USP15: variants seen among roughly 807,000 people sequenced by gnomAD.
USP15 encodes the protein ubiquitin specific peptidase 15.
USP15 carries 18 observed loss-of-function variants against 127.1 expected under a neutral mutation model. The ratio of observed to expected loss-of-function variants is 0.14; its 90% CI spans 0.10 to 0.21. USP15 has a LOEUF of 0.21. USP15 is among the 10% of genes least tolerant of loss of function. The pLI is 1.00. For missense variants in USP15, 805 were observed against 1,159.9 expected, an observed-to-expected ratio of 0.69 and a Z score of 4.44; for synonymous variants, 364 against 393.7, an observed-to-expected ratio of 0.92 and a Z score of 0.89.
chr12:62,383,076 G>A (rs2067037807), intron 9 of USP15, among the ~76,000 whole-genome samples: 1 of 151,778 alleles, frequency 6.6e-6, no homozygotes, highest in Admixed American at 6.6e-5. Context: ...GATAAGCTTT[G>A]TTGAGTGCTT....
chr12:62,371,848 T>G (rs893007831), intron 8 of USP15, among the ~76,000 whole-genome samples: 11 of 152,114 alleles, frequency 7.2e-5, no homozygotes, highest in Non-Finnish European at 1.3e-4. Flanking sequence ...TAAAAATAGC[T>G]CGAGCGGAAA....
chr12:62,271,500 C>A (rs928959175), intron 1 of USP15, among the ~76,000 whole-genome samples: 2 of 151,810 alleles, frequency 1.3e-5, no homozygotes, highest in South Asian at 2.1e-4. Context: ...TTTTAAAAAG[C>A]GAAGTTGATT....
At chr12:62,273,858 CAAT>C (rs1321161029) in intron 1 of USP15, among the ~76,000 whole-genome samples, 2 of 151,972 alleles carry the variant, frequency 1.3e-5, no homozygotes, top group African/African-American at 4.8e-5. Context: ...CTCATTTTCT[CAAT>C]AAGTAAAGTG....
intron 8 of USP15, among the ~76,000 whole-genome samples, chr12:62,363,600 C>T (rs910823930): frequency 1.3e-5 from 2 of 152,038 alleles, no homozygotes; most frequent in Non-Finnish European, 2.9e-5. Context: ...TACTCATAAC[C>T]ATCTGGCATG....
chr12:62,314,339 G>T (rs924794260), intron 3 of USP15, among the ~76,000 whole-genome samples: 75 of 151,756 alleles, frequency 4.9e-4, no homozygotes, highest in Admixed American at 1.1e-3. Flanking sequence ...AAGGTTTTCT[G>T]CTTGGGATCA....
At chr12:62,392,702 T>C (rs1203315535) in intron 18 of USP15, among the ~76,000 whole-genome samples, 2 of 152,148 alleles carry the variant, frequency 1.3e-5, no homozygotes, top group Non-Finnish European at 2.9e-5. Context: ...AATGTAGTGA[T>C]ATATTTTGTG....
chr12:62,363,697 G>T (rs1565887974), intron 8 of USP15, among the ~76,000 whole-genome samples: 1 of 151,460 alleles, frequency 6.6e-6, no homozygotes, highest in Non-Finnish European at 1.5e-5. Flanking sequence ...CCCACCCCGT[G>T]CTCTCTCTCT....
chr12:62,315,482 G>T (rs1445370382), intron 4 of USP15, among the ~76,000 whole-genome samples: 1 of 151,822 alleles, frequency 6.6e-6, no homozygotes, highest in African/African-American at 2.4e-5. Flanking sequence ...GTAAAGAATA[G>T]ATTGAATAAA....
intron 3 of USP15, among the ~76,000 whole-genome samples, chr12:62,307,868 A>G (rs563812849): frequency 6.6e-6 from 1 of 152,278 alleles, no homozygotes; most frequent in African/African-American, 2.4e-5. Context: ...TCAGGTAGAC[A>G]TTTAATCATC....
chr12:62,265,486 A>G (rs1319667733), intron 1 of USP15, among the ~76,000 whole-genome samples: 1 of 152,198 alleles, frequency 6.6e-6, no homozygotes, highest in Non-Finnish European at 1.5e-5. Flanking sequence ...TTTGAACCCA[A>G]GTAGTTTAGG....
chr12:62,304,218 A>G (rs2064409368), intron 3 of USP15, among the ~76,000 whole-genome samples: 1 of 152,164 alleles, frequency 6.6e-6, no homozygotes, highest in South Asian at 2.1e-4. Flanking sequence ...ACCTGTGTCT[A>G]ATAACAAAGT....
chr12:62,281,239 C>G (rs2063638277), intron 1 of USP15, among the ~76,000 whole-genome samples: 1 of 152,174 alleles, frequency 6.6e-6, no homozygotes, highest in Non-Finnish European at 1.5e-5. Context: ...TCTTACCTTT[C>G]TTAGTCTTCT....
chr12:62,264,175 G>T (rs1050646728), intron 1 of USP15, among the ~76,000 whole-genome samples: 1 of 152,000 alleles, frequency 6.6e-6, no homozygotes, highest in African/African-American at 2.4e-5. Flanking sequence ...GTAGAGACAG[G>T]GTTTCCCCAT....
intron 6 of USP15, among the ~76,000 whole-genome samples, chr12:62,346,084 A>G (rs1043965918): frequency 3.3e-5 from 5 of 152,242 alleles, no homozygotes; most frequent in African/African-American, 1.2e-4. Context: ...GAGTGGTGTC[A>G]TGAAAACAAT....
At chr12:62,317,251 T>A (rs999963576) in intron 4 of USP15, among the ~76,000 whole-genome samples, 1 of 152,184 alleles carries the variant, frequency 6.6e-6, no homozygotes, top group African/African-American at 2.4e-5. Context: ...TGGTTATGGT[T>A]ATAGTACAGG....
chr12:62,322,913 T>C (rs1236240717), intron 5 of USP15, among the ~76,000 whole-genome samples: 7 of 152,220 alleles, frequency 4.6e-5, no homozygotes, highest in Admixed American at 3.9e-4. Flanking sequence ...CTTTCTGATG[T>C]GTTATTCCAT....
intron 6 of USP15, among the ~76,000 whole-genome samples, chr12:62,331,140 G>GAT (rs2065286298): frequency 6.6e-6 from 1 of 152,096 alleles, no homozygotes; most frequent in Non-Finnish European, 1.5e-5. Context: ...TGCTAGTTCT[G>GAT]ATATATATCA....
intron 6 of USP15, among the ~76,000 whole-genome samples, chr12:62,332,910 G>A (rs2065347293): frequency 6.6e-6 from 1 of 152,112 alleles, no homozygotes; most frequent in Non-Finnish European, 1.5e-5. Flanking sequence ...TTGGAGAGAG[G>A]AAGAACTTTA....
At chr12:62,302,762 G>C (rs779748654) in intron 2 of USP15, 28 bp from the exon 3 acceptor site, 1 of 1,591,554 alleles carries the variant, frequency 6.3e-7, no homozygotes, top group Non-Finnish European at 8.6e-7. Flanking sequence ...TTTAGAGTTA[G>C]GTATTGAGTT....
Sources: allele counts gnomAD v4.1 joint callset (sites outside exome capture counted in the v4.1 genomes callset), GRCh38; gene constraint gnomAD v4.1.1; transcripts MANE v1.5; gene names NCBI Gene and HGNC (gene_info 2026-07-23, HGNC 2026-07-21).